Variants in IRS2 observed in about 807,000 individuals in gnomAD.
The protein encoded by IRS2 is insulin receptor substrate 2.
A neutral mutation model predicts 70.9 loss-of-function variants in IRS2; 28 were observed. The observed-to-expected ratio is 0.39, with a 90% confidence interval of 0.29 to 0.54. IRS2 has a LOEUF of 0.54. Ranked by LOEUF, IRS2 falls within the 20% of genes least tolerant of loss-of-function variation. IRS2 has a pLI of 0.59. For missense variants in IRS2, 2,081 were observed against 2,024.1 expected (o/e 1.03, Z -0.54); for synonymous variants, 1,217 against 981.9 (o/e 1.24, Z -4.48).
intron 1 of IRS2, among the ~76,000 whole-genome samples, chr13:109,774,274 G>C (rs144150471): frequency 2.6e-5 from 4 of 152,226 alleles, no homozygotes; most frequent in African/African-American, 7.2e-5. Context: ...AGCATGACTG[G>C]AGTCCCCAGA....
At chr13:109,769,957 A>G (rs1003111314) in intron 1 of IRS2, among the ~76,000 whole-genome samples, 1 of 152,170 alleles carries the variant, frequency 6.6e-6, no homozygotes, top group African/African-American at 2.4e-5. Flanking sequence ...AGCAACCCAT[A>G]AGTAAAGTTC....
intron 1 of IRS2, among the ~76,000 whole-genome samples, chr13:109,776,447 C>A (rs1448852685): frequency 6.6e-6 from 1 of 152,272 alleles, no homozygotes; most frequent in African/African-American, 2.4e-5. Context: ...GAAAATTAAT[C>A]AGAACCACCA....
intron 1 of IRS2, among the ~76,000 whole-genome samples, chr13:109,772,756 C>A (rs111379291): frequency 6.8e-6 from 1 of 147,542 alleles, no homozygotes; most frequent in Non-Finnish European, 1.5e-5. Flanking sequence ...ACTGCAGTGG[C>A]GCGATCTCGG....
chr13:109,775,751 G>GAA (rs1339155659), intron 1 of IRS2, among the ~76,000 whole-genome samples: 28 of 77,494 alleles, frequency 3.6e-4, no homozygotes, highest in Non-Finnish European at 2.5e-5. Context: ...AGATATTATG[G>GAA]AAACACACAC....
rs950868436 is a variant in IRS2 at position 109,754,368 on chromosome 13, C to T, written c.*1936G>A. The T allele has an allele frequency of 9.4e-6, 2 of 213,582 alleles. No individual in the cohort carries two copies. Among genetic ancestry groups the T allele is most frequent in the Non-Finnish European group, 1.9e-5 (2 of 105,736 alleles). 13.2% of individuals were successfully genotyped at this position (213,582 alleles called of 1,614,324 possible). On this transcript the variant is annotated 3_prime_UTR_variant, in exon 2 of 2. Transcript: ENST00000375856. ...TGAACACGAACCATCTGTATAGTGT[C>T]ATGACTACTCTACGGATAGAGGGCG...
intron 1 of IRS2, among the ~76,000 whole-genome samples, chr13:109,759,612 A>C (rs1877184413): frequency 6.6e-6 from 1 of 152,148 alleles, no homozygotes; most frequent in African/African-American, 2.4e-5. Flanking sequence ...TTGTTAGAGA[A>C]AGAAGGTCTA....
rs375525958 is a variant in IRS2, at chr13:109,783,724, G to A, written c.2330C>T (p.Thr777Met). Reference sequence around the variant, plus strand: ...GGAGAAGAAGTCGGGCGGGGTGCCCGTGGTGACCGCGTCGCTGGGGGACAC... The same window carrying A: ...GGAGAAGAAGTCGGGCGGGGTGCCCATGGTGACCGCGTCGCTGGGGGACAC... ...LNVSPSDAVT[T>M]GTPPDFFSAA... Residue 777 changes from threonine to methionine, a missense_variant, in exon 1 of 2, where the codon ACG (threonine) becomes ATG (methionine). Thr to Met is a moderately conservative substitution (Grantham distance 81). Around this residue, in one of 4 missense-constraint regions of IRS2, gnomAD observed 1,615 missense variants for 1,459.5 expected, o/e 1.11. Transcript: ENST00000375856. The A allele has an allele frequency of 1.9e-6, 3 of 1,578,064 alleles. No individual in the cohort carries two copies. Among genetic ancestry groups the A allele is most frequent in the Middle Eastern group, 1.7e-4 (1 of 6,012 alleles).
In IRS2 at chr13:109,785,700, C is replaced by T. The variant is rs746972321; in HGVS notation, c.354G>A (p.Lys118=). The change falls in exon 1 of 2, where the codon AAG becomes AAA. Residue 118 remains lysine (K), a synonymous_variant. Transcript: ENST00000375856. This position sits in a 1 kb window ranked among gnomAD's most constrained non-coding sequence, Gnocchi z 9.3. ...CGGCGGCCACGGCGAAGTACTCGTC[C>T]TTGGTGTAGAGGGCGATCAGGTACT... ...KHKYLIALYT[K]DEYFAVAAEN... is the part of the protein sequence containing the mutation. 25 of 1,600,624 alleles carry T rather than the reference C, an allele frequency of 1.6e-5. No individual in the cohort carries two copies. Among genetic ancestry groups the T allele is most frequent in the Non-Finnish European group, 2.0e-5 (23 of 1,177,694 alleles).
rs550048273 is a variant in IRS2 at position 109,785,712 on chromosome 13, G to A, written c.342C>T (p.Ala114=). The A allele has an allele frequency of 1.8e-4, 284 of 1,600,772 alleles. 4 individuals are homozygous for A. In the South Asian group the frequency reaches 2.8e-3, roughly 16 times the overall value. The change falls in exon 1 of 2, where the codon GCC becomes GCT. Residue 114 remains alanine (A), a synonymous_variant. Coordinates refer to ENST00000375856, the MANE Select transcript of IRS2 (RefSeq NM_003749.3). This position sits in a 1 kb window ranked among gnomAD's most constrained non-coding sequence, Gnocchi z 9.3. ...CGAAGTACTCGTCCTTGGTGTAGAG[G>A]GCGATCAGGTACTTGTGCTTGGCGT... The part of the protein sequence containing the change: ...RADAKHKYLI[A]LYTKDEYFAV...
chr13:109,784,921 G>T lies in IRS2; in HGVS notation c.1133C>A (p.Ala378Glu), dbSNP rs1294601075. Residue 378 changes from alanine to glutamate, a missense_variant, in exon 1 of 2, where the codon GCG (alanine) becomes GAG (glutamate). Around this residue, in one of 4 missense-constraint regions of IRS2, gnomAD observed 1,615 missense variants for 1,459.5 expected, o/e 1.11. Transcript: ENST00000375856. This position sits in a 1 kb window ranked among gnomAD's most constrained non-coding sequence, Gnocchi z 5.2. ...AGCCACCGACACCGGCCTGGCGCCC[G>T]CGGCCGCCGCTCCCGCCGCCGCGCC... is the stretch of plus-strand genomic sequence containing the variant. The part of the protein sequence containing the change: ...DGGAAAGAAA[A>E]GARPVSVAGS... 1.9e-6 allele frequency: 2 copies of T among 1,046,988 alleles called. No individual in the cohort carries two copies. The highest frequency in any genetic ancestry group is 3.4e-5 in the African/African-American group (2 of 58,154). 64.9% of individuals were successfully genotyped at this position (1,046,988 alleles called of 1,614,324 possible).
chr13:109,760,513 T>G (rs1877202618), intron 1 of IRS2, among the ~76,000 whole-genome samples: 1 of 152,342 alleles, frequency 6.6e-6, no homozygotes. Flanking sequence ...AAAAACACTT[T>G]TAGCAGAGAT....
chr13:109,760,756 T>A (rs1877208295), intron 1 of IRS2, among the ~76,000 whole-genome samples: 1 of 152,156 alleles, frequency 6.6e-6, no homozygotes, highest in Non-Finnish European at 1.5e-5. Flanking sequence ...ACTGCTCAAC[T>A]TGACTCCCCC....
chr13:109,782,609 A>G lies in IRS2; in HGVS notation c.3445T>C (p.Ser1149Pro). The G allele has an allele frequency of 6.3e-7, 1 of 1,578,886 alleles. No individual in the cohort carries two copies. The change falls in exon 1 of 2, where the codon TCC becomes CCC. Residue 1149 changes from serine (S) to proline (P), a missense_variant. Transcript: ENST00000375856. ...GTCGTGGTGGAGGAGAAGGTCTCGG[A>G]ACTGTGGCGGCGGCGGCCCCCCTGC... ...DPQGGRRRHSSETFSSTTTVT... is the reference protein window; with the variant it reads ...DPQGGRRRHSPETFSSTTTVT...
intron 1 of IRS2, among the ~76,000 whole-genome samples, chr13:109,773,186 T>TA (rs758448807): frequency 7.1e-4 from 107 of 149,976 alleles, no homozygotes; most frequent in Admixed American, 1.3e-3. Context: ...TCCTGAGAAT[T>TA]AAAAAAAAAG....
In IRS2 at chr13:109,777,058, G is replaced by A. The variant is rs151047323; in HGVS notation, c.4012+4984C>T. Among the ~76,000 whole-genome samples the A allele has an allele frequency of 2.6e-3, 388 of 152,152 alleles. 1 individual carries two copies. The highest frequency in any genetic ancestry group is 5.8e-3 in the South Asian group (28 of 4,816). ...AGAAATATACATTCTGCTGTCATCC[G>A]TACTAGAGAAATGAAACAGAGAATC... is the stretch of plus-strand genomic sequence containing the variant. On this transcript the variant is annotated intron_variant, in intron 1 of 1. Coordinates refer to ENST00000375856, the MANE Select transcript of IRS2 (RefSeq NM_003749.3).
chr13:109,767,027 G>A lies in IRS2; in HGVS notation c.4013-10719C>T, dbSNP rs557685284. Among the ~76,000 whole-genome samples, 4 of 152,354 alleles carry A rather than the reference G, an allele frequency of 2.6e-5. 1 individual carries two copies. The South Asian group carries it at 8.3e-4, about 32-fold the overall frequency. On this transcript the variant is annotated intron_variant, in intron 1 of 1. Transcript: ENST00000375856. ...TTTTCCAATGCTCATGGGCTGGGAG[G>A]AGCCTCACACACCAGAGGACCCAGA...
chr13:109,770,844 G>A (rs530237210), intron 1 of IRS2, among the ~76,000 whole-genome samples: 7 of 152,336 alleles, frequency 4.6e-5, no homozygotes, highest in Admixed American at 2.6e-4. Flanking sequence ...TATCAACTGT[G>A]TTCTGCGTTT....
At position 109,783,126 on chromosome 13, in the gene IRS2, G is replaced by A. The variant is rs2138931751; in HGVS notation, c.2928C>T (p.Ser976=). 7.2e-7 allele frequency: 1 copy of A among 1,386,922 alleles called. No homozygotes were observed. Among genetic ancestry groups the A allele is most frequent in the Non-Finnish European group, 9.3e-7 (1 of 1,077,176 alleles). The allele number at this position is 1,386,922 out of a possible 1,614,324, so 85.9% of individuals were successfully genotyped here. ...SSDSRQRSPL[S]DYMNLDFSSP... ...AGCTGAAGTCGAGGTTCATGTAGTC[G>A]GAGAGCGGAGACCGCTGCCGGCTGT... Residue 976 remains serine (S), a synonymous_variant, in exon 1 of 2, where the codon TCC becomes TCT. Transcript: ENST00000375856.
At chr13:109,760,288 A>T (rs1475217432) in intron 1 of IRS2, among the ~76,000 whole-genome samples, 4 of 152,236 alleles carry the variant, frequency 2.6e-5, no homozygotes, top group African/African-American at 9.6e-5. Context: ...AATAAGACTC[A>T]CGTGTTGCTC....
Sources: allele counts gnomAD v4.1 joint callset (sites outside exome capture counted in the v4.1 genomes callset), GRCh38; gene constraint gnomAD v4.1.1; regional missense constraint gnomAD v4.1.1; non-coding constraint Gnocchi (gnomAD v3.1); transcripts MANE v1.5; gene names NCBI Gene and HGNC (gene_info 2026-07-23, HGNC 2026-07-21).